Variants in RTL9 observed in about 807,000 individuals in gnomAD.
RTL9 encodes the protein retrotransposon Gag like 9.
Under a neutral mutation model 44.7 loss-of-function variants are expected in RTL9, and 19 were observed. The observed-to-expected ratio is 0.42, with a 90% CI of 0.30 to 0.62. RTL9 has a LOEUF of 0.62. Ranked by LOEUF, RTL9 falls within the 20% of genes least tolerant of loss-of-function variation. The pLI is 0.16. For missense variants in RTL9, 1,105 were observed against 1,080.6 expected (o/e 1.02, Z -0.32); for synonymous variants, 407 against 398.9 (o/e 1.02, Z -0.24).
At chrX:110,419,723 A>G (rs1378785924) in intron 1 of RTL9, among the ~76,000 whole-genome samples, 2 of 112,339 alleles carry the variant, frequency 1.8e-5, no homozygotes, top group African/African-American at 6.5e-5. Flanking sequence ...GTGTCATTCC[A>G]TAGGAAAAAA....
At chrX:110,379,963 G>T (rs1289435078) in intron 1 of RTL9, among the ~76,000 whole-genome samples, 1 of 111,763 alleles carries the variant, frequency 8.9e-6, no homozygotes, top group African/African-American at 3.3e-5. Context: ...CTCATTTACA[G>T]ATGAGGAAAC....
At chrX:110,373,700 A>C (rs1482567632) in intron 1 of RTL9, among the ~76,000 whole-genome samples, 1 of 112,295 alleles carries the variant, frequency 8.9e-6, no homozygotes, top group East Asian at 2.8e-4. Context: ...CATGTATGAA[A>C]GAACTTTAAA....
At chrX:110,448,660 A>G (rs1359527969), upstream of RTL9, among the ~76,000 whole-genome samples, 4 of 3,142 alleles carry the variant, frequency 1.3e-3, no homozygotes. Context: ...GTAGCAAGTC[A>G]GGAGCAGTGG....
intron 1 of RTL9, among the ~76,000 whole-genome samples, chrX:110,388,192 G>A (rs1285875579): frequency 9.0e-6 from 1 of 111,621 alleles, no homozygotes; most frequent in Non-Finnish European, 1.9e-5. Flanking sequence ...AAATGACATT[G>A]TAACATCCCA....
chrX:110,399,631 G>T (rs930203979), intron 1 of RTL9, among the ~76,000 whole-genome samples: 2 of 112,149 alleles, frequency 1.8e-5, no homozygotes, highest in African/African-American at 6.5e-5. Flanking sequence ...AAGGCGACCT[G>T]GTTCACTTAC....
upstream of RTL9, among the ~76,000 whole-genome samples, chrX:110,414,599 C>T (rs1039018080): frequency 2.7e-5 from 3 of 113,053 alleles, no homozygotes; most frequent in South Asian, 3.6e-4. Context: ...CACTCACTAA[C>T]GTGACACAAT....
At chrX:110,407,057 G>T (rs756963630) in intron 1 of RTL9, among the ~76,000 whole-genome samples, 1 of 111,430 alleles carries the variant, frequency 9.0e-6, no homozygotes, top group Admixed American at 9.6e-5. Flanking sequence ...CTGGTATTGC[G>T]CAAACGCTGC....
chrX:110,407,462 A>G (rs1223236865), intron 1 of RTL9, among the ~76,000 whole-genome samples: 1 of 112,420 alleles, frequency 8.9e-6, no homozygotes, highest in Non-Finnish European at 1.9e-5. Flanking sequence ...TGATTGCTAG[A>G]ATAATACAAA....
chrX:110,435,281 G>GT (rs2068830421), intron 1 of RTL9, among the ~76,000 whole-genome samples: 1 of 111,626 alleles, frequency 9.0e-6, no homozygotes, highest in Non-Finnish European at 1.9e-5. Context: ...TAGTGTGGGA[G>GT]TATCTTCTAA....
At chrX:110,435,501 G>C (rs1045948878) in intron 1 of RTL9, among the ~76,000 whole-genome samples, 2 of 112,014 alleles carry the variant, frequency 1.8e-5, no homozygotes, top group Non-Finnish European at 3.8e-5. Context: ...AGACCTAGCA[G>C]GTCCCAGAAC....
At chrX:110,392,865 C>T (rs188120065) in intron 1 of RTL9, among the ~76,000 whole-genome samples, 7 of 111,931 alleles carry the variant, frequency 6.3e-5, no homozygotes, top group African/African-American at 2.3e-4. Context: ...AAAGAGACAG[C>T]AATAAAAAGA....
Position 110,373,240 on chromosome X carries a change from C to T in RTL9, c.-168+14324C>T, listed in dbSNP as rs750236024. On this transcript the variant is annotated intron_variant, in intron 1 of 2. Coordinates refer to the RTL9 transcript ENST00000520821. ...GTAAATGTGCTATATTGCTTCTCTACAAACAGGATGTAGGTCATCTTCCTT... is the reference window on the plus strand; with the variant it reads ...GTAAATGTGCTATATTGCTTCTCTATAAACAGGATGTAGGTCATCTTCCTT... Among the ~76,000 whole-genome samples, 104 of 111,927 alleles carry T rather than the reference C, an allele frequency of 9.3e-4. No homozygotes were observed. The Middle Eastern group carries it at 0.023, about 25-fold the overall frequency.
At chrX:110,401,156 G>T (rs1287346710) in intron 1 of RTL9, among the ~76,000 whole-genome samples, 1 of 112,431 alleles carries the variant, frequency 8.9e-6, no homozygotes, top group Non-Finnish European at 1.9e-5. Flanking sequence ...TACATAGCAA[G>T]TAGGCTGCAA....
intron 1 of RTL9, among the ~76,000 whole-genome samples, chrX:110,424,255 C>A (rs1321734302): frequency 8.9e-6 from 1 of 111,739 alleles, no homozygotes; most frequent in East Asian, 2.8e-4. Flanking sequence ...CTCTTGAGGA[C>A]AAAATTCATC....
chrX:110,444,215 G>A (rs974408483), intron 1 of RTL9, among the ~76,000 whole-genome samples: 1 of 112,948 alleles, frequency 8.9e-6, no homozygotes, highest in East Asian at 2.8e-4. Flanking sequence ...GCCAAGTCCC[G>A]CCTCAGCAGG....
intron 1 of RTL9, among the ~76,000 whole-genome samples, chrX:110,375,383 A>G (rs1432776616): frequency 1.8e-5 from 2 of 112,086 alleles, no homozygotes; most frequent in African/African-American, 3.2e-5. Context: ...TGTGCAGATT[A>G]CTTAAACATT....
exon 1 of RTL9, chrX:110,452,269 T>C (rs1351536523): frequency 8.3e-7 from 1 of 1,211,000 alleles, no homozygotes; most frequent in Non-Finnish European, 1.1e-6. Context: ...GCAATGTCCA[T>C]GCCACAAATG....
intron 1 of RTL9, among the ~76,000 whole-genome samples, chrX:110,360,865 T>C (rs1367733897): frequency 9.0e-6 from 1 of 111,347 alleles, no homozygotes; most frequent in East Asian, 2.8e-4. Context: ...GAAGAATTGA[T>C]AGGATTTTGT....
chrX:110,368,665 G>A (rs992311702), intron 1 of RTL9, among the ~76,000 whole-genome samples: 1 of 111,801 alleles, frequency 8.9e-6, no homozygotes, highest in African/African-American at 3.3e-5. Flanking sequence ...GTCATTTTCT[G>A]ATATATTAAT....
Sources: gnomAD v4.1 joint callset for allele counts (sites outside exome capture counted in the v4.1 genomes callset) on GRCh38, gnomAD v4.1.1 for gene constraint, MANE v1.5 for transcripts, NCBI Gene and HGNC (gene_info 2026-07-23, HGNC 2026-07-21) for gene names.